Variants in PATJ observed in about 807,000 individuals in gnomAD.
PATJ encodes inaD-like protein.
Under a neutral mutation model 224.9 loss-of-function variants are expected in PATJ, and 190 were observed. The observed-to-expected ratio is 0.84, with a 90% CI of 0.75 to 0.95. The LOEUF (loss-of-function observed/expected upper bound fraction) is 0.95. Ranked by LOEUF, PATJ falls within the 40% of genes least tolerant of loss-of-function variation. The pLI, the probability that PATJ is intolerant of heterozygous loss-of-function variation, is 0.00. For missense variants in PATJ, 2,121 were observed against 2,270.3 expected, an observed-to-expected ratio of 0.93 and a Z score of 1.34; for synonymous variants, 769 against 820.3, an observed-to-expected ratio of 0.94 and a Z score of 1.07.
In PATJ at chr1:61,774,013, G is replaced by A. The variant is rs556078567; in HGVS notation, c.721-1193G>A. 9.3e-5 allele frequency among the ~76,000 whole-genome samples: 14 copies of A among 151,340 alleles called. No homozygotes were observed. The East Asian group carries it at 2.3e-3, about 25-fold the overall frequency. ...CAGGTACCTGTAGTCCCAGCTACTC[G>A]GGAGGCTGAGGCAGGAGAATGGCGT... On this transcript the variant is annotated intron_variant, in intron 6 of 43. Transcript: ENST00000642238.
At chr1:61,826,199 T>TA (rs1245845686) in intron 15 of PATJ, among the ~76,000 whole-genome samples, 5 of 152,174 alleles carry the variant, frequency 3.3e-5, no homozygotes, top group Non-Finnish European at 5.9e-5. Flanking sequence ...AAGTGCTTGA[T>TA]ATGTTACAGG....
intron 26 of PATJ, among the ~76,000 whole-genome samples, chr1:61,920,702 C>CT (rs71582652): frequency 0.3 from 27,162 of 89,746 alleles, 5,070 homozygotes; most frequent in Non-Finnish European, 0.35. Flanking sequence ...GTATGGAATT[C>CT]TTTTTTTTTT....
At chr1:61,833,018 G>A (rs932732550) in intron 16 of PATJ, among the ~76,000 whole-genome samples, 2 of 152,088 alleles carry the variant, frequency 1.3e-5, no homozygotes, top group Non-Finnish European at 2.9e-5. Context: ...TGTATACTGG[G>A]CAGTTGTGCT....
At chr1:62,128,754 A>G in intron 40 of PATJ, 87 bp from the exon 41 acceptor site, 2 of 924,528 alleles carry the variant, frequency 2.2e-6, no homozygotes, top group South Asian at 2.7e-5. Flanking sequence ...ACAAATGGGA[A>G]ATAGGACTCG....
intron 28 of PATJ, among the ~76,000 whole-genome samples, chr1:62,000,711 C>T (rs1645709344): frequency 6.6e-6 from 1 of 150,598 alleles, no homozygotes; most frequent in African/African-American, 2.5e-5. Flanking sequence ...GGGTATATAC[C>T]CAGTAATGGG....
chr1:61,840,477 T>TA (rs1660902809), intron 17 of PATJ, among the ~76,000 whole-genome samples: 2 of 152,028 alleles, frequency 1.3e-5, no homozygotes, highest in African/African-American at 4.8e-5. Context: ...CATGGTTATA[T>TA]AAGTAATAGT....
intron 33 of PATJ, among the ~76,000 whole-genome samples, chr1:62,101,288 G>C (rs1662142211): frequency 7.5e-6 from 1 of 133,712 alleles, no homozygotes; most frequent in Non-Finnish European, 1.6e-5. Flanking sequence ...TTCTGAGACA[G>C]AGTCTCGCTC....
chr1:62,101,851 C>G (rs982488053), intron 33 of PATJ, among the ~76,000 whole-genome samples: 1 of 152,148 alleles, frequency 6.6e-6, no homozygotes, highest in Non-Finnish European at 1.5e-5. Context: ...ATGTTCTTCA[C>G]TGGCTCTTGA....
chr1:62,033,686 G>A (rs1199007516), intron 29 of PATJ, among the ~76,000 whole-genome samples: 2 of 152,140 alleles, frequency 1.3e-5, no homozygotes, highest in Non-Finnish European at 2.9e-5. Flanking sequence ...CTTACATGAG[G>A]TAAATACTGA....
intron 22 of PATJ, among the ~76,000 whole-genome samples, chr1:61,896,576 C>T (rs1670398351): frequency 6.6e-6 from 1 of 152,050 alleles, no homozygotes; most frequent in African/African-American, 2.4e-5. Context: ...GTTGGGATGG[C>T]ATGATTGCTT....
chr1:61,803,052 C>T (rs906077656), intron 12 of PATJ, among the ~76,000 whole-genome samples: 2 of 152,100 alleles, frequency 1.3e-5, no homozygotes, highest in African/African-American at 4.8e-5. Context: ...GAGTTGAGCT[C>T]AGATTTTCAG....
At chr1:61,953,115 GC>G (rs1222681414) in intron 27 of PATJ, among the ~76,000 whole-genome samples, 6 of 152,110 alleles carry the variant, frequency 3.9e-5, no homozygotes, top group African/African-American at 1.4e-4. Flanking sequence ...TGCTACATTG[GC>G]CATATAATTT....
chr1:62,143,438 A>AT (rs34127211), intron 41 of PATJ, among the ~76,000 whole-genome samples: 2,837 of 74,328 alleles, frequency 0.038, 276 homozygotes, highest in Non-Finnish European at 0.043. Context: ...TAAGCTGGGA[A>AT]TTTTTTTTTT....
chr1:61,745,372 C>T (rs1185502054), intron 1 of PATJ, among the ~76,000 whole-genome samples: 2 of 151,540 alleles, frequency 1.3e-5, no homozygotes. Flanking sequence ...TTCCCGGGTT[C>T]AAGTGATTGT....
chr1:61,911,245 C>T (rs972238341), intron 25 of PATJ, among the ~76,000 whole-genome samples: 2 of 152,078 alleles, frequency 1.3e-5, no homozygotes, highest in African/African-American at 2.4e-5. Context: ...GACAGAGTCT[C>T]GCTCTTCGCC....
intron 31 of PATJ, among the ~76,000 whole-genome samples, chr1:62,076,607 T>C (rs1658349377): frequency 6.6e-6 from 1 of 152,210 alleles, no homozygotes; most frequent in African/African-American, 2.4e-5. Flanking sequence ...TGCTTCCTTA[T>C]TGTTAAATTG....
rs1182687301 is a variant in PATJ at position 61,795,454 on chromosome 1, T to G, written c.1169-13T>G. ...AATTTTCTTCCTTTTTCCGTATGTC[T>G]GTGCACCTTAAGGGGAAGCTTCAGG... On this transcript the variant is annotated splice_polypyrimidine_tract_variant and intron_variant, in intron 9 of 43. Coordinates refer to ENST00000642238, the MANE Select transcript of PATJ (RefSeq NM_001350145.3). The G allele has an allele frequency of 6.5e-7, 1 of 1,530,518 alleles. No individual in the cohort carries two copies. Among genetic ancestry groups the G allele is most frequent in the African/African-American group, 1.4e-5 (1 of 72,992 alleles). The allele number at this position is 1,530,518 out of a possible 1,614,324, so 94.8% of individuals were successfully genotyped here. A position where few individuals can be genotyped will look rare whatever the true frequency, so the allele number is the denominator to read the frequency against.
intron 43 of PATJ, among the ~76,000 whole-genome samples, chr1:62,154,259 A>C (rs188648630): frequency 3.7e-4 from 57 of 152,198 alleles, no homozygotes; most frequent in Non-Finnish European, 6.5e-4. Flanking sequence ...TAAATTTTGA[A>C]GATCTCTGAG....
Position 61,905,152 on chromosome 1 carries a change from A to G in PATJ, c.3382-3220A>G, listed in dbSNP as rs191569989. ...ATACCATAAACATAGAAATTCCATT[A>G]TAGTTCTGAAGGCTGGGAACTCCAA... On this transcript the variant is annotated intron_variant, in intron 24 of 43. Transcript: ENST00000642238. Among the ~76,000 whole-genome samples, 5 of 152,356 alleles carry G rather than the reference A, an allele frequency of 3.3e-5. No homozygotes were observed. In the East Asian group the frequency reaches 7.7e-4, roughly 24 times the overall value.
Sources: gnomAD v4.1 joint callset for allele counts (sites outside exome capture counted in the v4.1 genomes callset) on GRCh38, gnomAD v4.1.1 for gene constraint, MANE v1.5 for transcripts, NCBI Gene and HGNC (gene_info 2026-07-23, HGNC 2026-07-21) for gene names.